RAPGEF1: variants seen among roughly 807,000 people sequenced by gnomAD.
RAPGEF1 encodes CRK SH3-binding GNRP.
Under a neutral mutation model 143.3 loss-of-function variants are expected in RAPGEF1, and 33 were observed. The ratio of observed to expected loss-of-function variants is 0.23; its 90% CI spans 0.17 to 0.31. RAPGEF1 has a LOEUF of 0.31. Ranked by LOEUF, RAPGEF1 falls within the 10% of genes least tolerant of loss-of-function variation. The pLI is 1.00. For synonymous variants in RAPGEF1, 629 were observed against 676.5 expected (o/e 0.93, Z 1.09); for missense variants, 1,199 against 1,645.4 (o/e 0.73, Z 4.69).
chr9:131,587,058 C>T (rs1285387185), intron 22 of RAPGEF1, among the ~76,000 whole-genome samples: 3 of 69,558 alleles, frequency 4.3e-5, no homozygotes, highest in Admixed American at 1.8e-4. Context: ...AGCGAGACTC[C>T]GTCTCAAACA....
chr9:131,707,354 T>TCTAA (rs1301992488), intron 1 of RAPGEF1, among the ~76,000 whole-genome samples: 3 of 152,234 alleles, frequency 2.0e-5, no homozygotes, highest in Admixed American at 6.5e-5. Flanking sequence ...TGACCTGGAC[T>TCTAA]CTAACACTTG....
At chr9:131,709,245 G>A (rs915237495) in intron 1 of RAPGEF1, among the ~76,000 whole-genome samples, 1 of 152,170 alleles carries the variant, frequency 6.6e-6, no homozygotes, top group African/African-American at 2.4e-5. Flanking sequence ...AACTCAGGAG[G>A]CTGAGGCAGA....
intron 1 of RAPGEF1, among the ~76,000 whole-genome samples, chr9:131,657,648 C>T (rs1207394948): frequency 6.6e-6 from 1 of 152,110 alleles, no homozygotes; most frequent in East Asian, 1.9e-4. Context: ...ATTGTGGCTG[C>T]TGTGGCTGAG....
chr9:131,681,886 G>A (rs948276993), intron 1 of RAPGEF1, among the ~76,000 whole-genome samples: 17 of 152,096 alleles, frequency 1.1e-4, no homozygotes, highest in Non-Finnish European at 1.8e-4. Context: ...GCTCGGTTAC[G>A]GGAGTCTCTT....
At chr9:131,704,152 TCTTA>T (rs1319428271) in intron 1 of RAPGEF1, among the ~76,000 whole-genome samples, 1 of 151,780 alleles carries the variant, frequency 6.6e-6, no homozygotes, top group Non-Finnish European at 1.5e-5. Flanking sequence ...ATTTGTCTTG[TCTTA>T]CTTATTAGCT....
intron 1 of RAPGEF1, among the ~76,000 whole-genome samples, chr9:131,732,869 A>G (rs1837170556): frequency 6.6e-6 from 1 of 152,214 alleles, no homozygotes; most frequent in South Asian, 2.1e-4. Flanking sequence ...ACACTCCCTC[A>G]CGGAGCTAAT....
At chr9:131,709,139 G>C (rs1437288129) in intron 1 of RAPGEF1, among the ~76,000 whole-genome samples, 1 of 152,166 alleles carries the variant, frequency 6.6e-6, no homozygotes, top group Non-Finnish European at 1.5e-5. Flanking sequence ...ATGAGGTCAG[G>C]AGTTCAAGAC....
rs772363037 is a variant in RAPGEF1 at position 131,638,710 on chromosome 9, T to C, written c.576A>G (p.Glu192=). ...TCTCCTTGTCTTCTGAGTTCACGCC[T>C]TCCAGCATCACTTGGTCAGACCAGC... ...LIRWSDQVML[E]GVNSEDKEMV... is the part of the protein sequence containing the mutation. Residue 192 remains glutamate, a synonymous_variant, in exon 5 of 27, where the codon GAA becomes GAG. Coordinates refer to ENST00000683357, the MANE Select transcript of RAPGEF1 (RefSeq NM_001377935.1). The C allele has an allele frequency of 7.4e-6, 12 of 1,613,916 alleles. No individual in the cohort carries two copies. Among genetic ancestry groups the C allele is most frequent in the Middle Eastern group, 1.6e-4 (1 of 6,084 alleles).
rs758580459 is a variant in RAPGEF1 at position 131,626,409 on chromosome 9, G to A, written c.1215C>T (p.Pro405=). The A allele has an allele frequency of 1.1e-5, 17 of 1,596,558 alleles. No homozygotes were observed. The highest frequency in any genetic ancestry group is 1.5e-5 in the Non-Finnish European group (17 of 1,167,886). ...GGTCTTGCTGGAGGAATTCATAGTCGGGATCATAGTGGTCTGCAGTTACAA... is the reference window on the plus strand; with the variant it reads ...GGTCTTGCTGGAGGAATTCATAGTCAGGATCATAGTGGTCTGCAGTTACAA... The part of the protein sequence containing the change: ...TSCETLDHYD[P]DYEFLQQDLS... Residue 405 remains proline, a synonymous_variant, in exon 10 of 27, where the codon CCC becomes CCT. Transcript: ENST00000683357.
At chr9:131,712,790 T>C (rs1835599751) in intron 1 of RAPGEF1, among the ~76,000 whole-genome samples, 1 of 152,160 alleles carries the variant, frequency 6.6e-6, no homozygotes, top group Non-Finnish European at 1.5e-5. Context: ...AGCTTTGAAA[T>C]GAGGACCCTG....
At chr9:131,606,097 C>A (rs1379727987) in intron 12 of RAPGEF1, among the ~76,000 whole-genome samples, 1 of 152,146 alleles carries the variant, frequency 6.6e-6, no homozygotes, top group East Asian at 1.9e-4. Context: ...TGTGATCTTA[C>A]AACAGCTTTG....
At chr9:131,598,413 G>A (rs1410266249) in intron 15 of RAPGEF1, 103 bp from the exon 16 acceptor site, 1 of 881,806 alleles carries the variant, frequency 1.1e-6, no homozygotes, top group Non-Finnish European at 1.9e-6. Flanking sequence ...ACCGCTCCCG[G>A]AACATGCCTG....
At chr9:131,608,016 G>C (rs1380952928) in intron 12 of RAPGEF1, among the ~76,000 whole-genome samples, 4 of 152,224 alleles carry the variant, frequency 2.6e-5, no homozygotes, top group Admixed American at 1.3e-4. Flanking sequence ...AGACGGCACA[G>C]GGCAGCGGCT....
At chr9:131,665,810 C>G (rs1476570299) in intron 1 of RAPGEF1, among the ~76,000 whole-genome samples, 1 of 152,184 alleles carries the variant, frequency 6.6e-6, no homozygotes, top group Non-Finnish European at 1.5e-5. Context: ...GCTCTTAGAA[C>G]AAGCTGCATC....
intron 1 of RAPGEF1, chr9:131,737,452 T>G: frequency 6.2e-7 from 1 of 1,613,902 alleles, no homozygotes; most frequent in East Asian, 2.2e-5. Context: ...CTGGGTAGCT[T>G]AGAAACTGTG....
intron 1 of RAPGEF1, among the ~76,000 whole-genome samples, chr9:131,671,261 T>A (rs1831333663): frequency 6.6e-6 from 1 of 152,046 alleles, no homozygotes. Context: ...AAGGCCCAAA[T>A]CCTCCACAGG....
intron 1 of RAPGEF1, among the ~76,000 whole-genome samples, chr9:131,689,562 G>A (rs965592770): frequency 6.6e-6 from 1 of 151,040 alleles, no homozygotes; most frequent in African/African-American, 2.4e-5. Flanking sequence ...TTCCAGAGAC[G>A]GAGTCTTGCT....
chr9:131,678,303 C>A (rs1832608805), intron 1 of RAPGEF1, among the ~76,000 whole-genome samples: 1 of 152,128 alleles, frequency 6.6e-6, no homozygotes, highest in African/African-American at 2.4e-5. Context: ...TAAATAAACT[C>A]AACAGAAGAG....
chr9:131,626,678 C>T (rs569424955), intron 9 of RAPGEF1, among the ~76,000 whole-genome samples: 2 of 152,072 alleles, frequency 1.3e-5, no homozygotes, highest in African/African-American at 4.8e-5. Context: ...ACAACCATTA[C>T]GGAAACTGTG....
Sources: allele counts gnomAD v4.1 joint callset (sites outside exome capture counted in the v4.1 genomes callset), GRCh38; gene constraint gnomAD v4.1.1; transcripts MANE v1.5; gene names NCBI Gene and HGNC (gene_info 2026-07-23, HGNC 2026-07-21).